DSCAML1: variants seen among roughly 807,000 people sequenced by gnomAD.
The protein encoded by DSCAML1 is DS cell adhesion molecule like 1.
In DSCAML1, 38 loss-of-function variants were observed where a neutral mutation model predicts 200.5. The observed-to-expected ratio is 0.19, with a 90% CI of 0.15 to 0.25. DSCAML1 has a LOEUF of 0.25. DSCAML1 is among the 10% of genes least tolerant of loss of function. The probability of loss-of-function intolerance (pLI) is 1.00; values close to 1 mark genes in which losing one functional copy is unlikely to be tolerated. For missense variants in DSCAML1, 2,223 were observed against 2,858.8 expected, an observed-to-expected ratio of 0.78 and a Z score of 5.07; for synonymous variants, 1,215 against 1,165.0, an observed-to-expected ratio of 1.04 and a Z score of -0.87.
chr11:117,711,400 GC>G (rs1413518450), intron 3 of DSCAML1, among the ~76,000 whole-genome samples: 1 of 152,198 alleles, frequency 6.6e-6, no homozygotes, highest in Admixed American at 6.5e-5. Flanking sequence ...CCTGAAGGGA[GC>G]CAGCTGCGTG....
intron 3 of DSCAML1, among the ~76,000 whole-genome samples, chr11:117,600,400 G>A (rs936532412): frequency 2.0e-5 from 3 of 152,176 alleles, no homozygotes; most frequent in African/African-American, 4.8e-5. Context: ...TTGTAGAGCC[G>A]AATCTCACTC....
chr11:117,783,370 C>T (rs2055296485), intron 1 of DSCAML1, among the ~76,000 whole-genome samples: 1 of 152,098 alleles, frequency 6.6e-6, no homozygotes, highest in African/African-American at 2.4e-5. Context: ...AGGAGGAATT[C>T]AGGAATTGAT....
intron 3 of DSCAML1, among the ~76,000 whole-genome samples, chr11:117,597,663 C>T (rs1240386298): frequency 6.6e-6 from 1 of 152,106 alleles, no homozygotes; most frequent in African/African-American, 2.4e-5. Flanking sequence ...ATCATGTTGG[C>T]CAGGCTGGTC....
intron 1 of DSCAML1, among the ~76,000 whole-genome samples, chr11:117,816,573 G>C (rs572881355): frequency 6.6e-6 from 1 of 152,184 alleles, no homozygotes; most frequent in Non-Finnish European, 1.5e-5. Flanking sequence ...CAGCCCTGCC[G>C]AGCAGAGCGG....
intron 2 of DSCAML1, among the ~76,000 whole-genome samples, chr11:117,779,414 C>A (rs2055192302): frequency 6.6e-6 from 1 of 152,066 alleles, no homozygotes; most frequent in Admixed American, 6.5e-5. Flanking sequence ...CCTGAGAAAC[C>A]CTACCTCCTT....
intron 3 of DSCAML1, among the ~76,000 whole-genome samples, chr11:117,575,411 C>T (rs1366940117): frequency 2.0e-5 from 3 of 152,230 alleles, no homozygotes; most frequent in Non-Finnish European, 4.4e-5. Context: ...ACTGGTGGTT[C>T]TCAGCCTCTG....
chr11:117,512,046 G>A (rs1369000236), intron 8 of DSCAML1, among the ~76,000 whole-genome samples: 1 of 152,196 alleles, frequency 6.6e-6, no homozygotes, highest in Admixed American at 6.5e-5. Context: ...TGTTTTTCCG[G>A]CTCATGGAGC....
At chr11:117,460,093 C>CT (rs1312719651) in intron 18 of DSCAML1, among the ~76,000 whole-genome samples, 1 of 152,228 alleles carries the variant, frequency 6.6e-6, no homozygotes, top group Non-Finnish European at 1.5e-5. Context: ...GAGGCTAATA[C>CT]ATTCCTTAGG....
intron 3 of DSCAML1, among the ~76,000 whole-genome samples, chr11:117,547,446 C>T (rs1341688105): frequency 1.3e-5 from 2 of 152,042 alleles, no homozygotes; most frequent in African/African-American, 4.8e-5. Context: ...AAGGCGCGGC[C>T]CCACCCTTCT....
At position 117,532,411 on chromosome 11, in the gene DSCAML1, G is replaced by C. The variant is rs200783383; in HGVS notation, c.623C>G (p.Thr208Ser). 6.2e-7 allele frequency: 1 copy of C among 1,614,096 alleles called. No individual in the cohort carries two copies. The highest frequency in any genetic ancestry group is 2.2e-5 in the East Asian group (1 of 44,878). The part of the protein sequence containing the change: ...CITKHKYSGE[T>S]RQSNGARLSV... ...GAGGCGTGCCCCATTGCTCTGCCGG[G>C]TCTCCCCGCTATACTTGTGCTTGGT... The change falls in exon 4 of 33, where the codon ACC becomes AGC. Residue 208 changes from threonine (T) to serine (S), a missense_variant. Thr to Ser is a moderately conservative substitution (Grantham distance 58). This residue lies in a region of DSCAML1 where 579 missense variants were observed against 721.5 expected (regional missense o/e 0.80). Transcript: ENST00000651296.
intron 3 of DSCAML1, among the ~76,000 whole-genome samples, chr11:117,576,432 G>A (rs778299590): frequency 5.9e-5 from 9 of 152,086 alleles, no homozygotes; most frequent in Non-Finnish European, 1.0e-4. Context: ...TCCCAACAGT[G>A]GACTCTCCCA....
intron 3 of DSCAML1, among the ~76,000 whole-genome samples, chr11:117,542,359 A>C (rs73010337): frequency 0.29 from 43,107 of 146,636 alleles, 6,640 homozygotes; most frequent in African/African-American, 0.4. Context: ...ACAACAAAAA[A>C]AAAACAGTGC....
intron 3 of DSCAML1, among the ~76,000 whole-genome samples, chr11:117,603,056 G>T (rs954795757): frequency 6.6e-6 from 1 of 152,098 alleles, no homozygotes. Context: ...TGATTGCATC[G>T]CTGCACTTCA....
chr11:117,704,885 C>G (rs1183097033), intron 3 of DSCAML1, among the ~76,000 whole-genome samples: 3 of 152,148 alleles, frequency 2.0e-5, no homozygotes, highest in Admixed American at 6.5e-5. Context: ...TAATAGAGAA[C>G]TCTTCATTCA....
chr11:117,488,498 A>G (rs576371103), intron 11 of DSCAML1, among the ~76,000 whole-genome samples: 35 of 152,156 alleles, frequency 2.3e-4, no homozygotes, highest in Non-Finnish European at 4.6e-4. Flanking sequence ...AGATGGTCAT[A>G]TGCACTCACC....
intron 3 of DSCAML1, among the ~76,000 whole-genome samples, chr11:117,684,462 A>AAAAAAAAAG (rs1565872985): frequency 5.9e-4 from 77 of 129,788 alleles, no homozygotes; most frequent in South Asian, 1.3e-3. Context: ...AAAAAAAAAG[A>AAAAAAAAAG]AAAAAAGAGG....
intron 24 of DSCAML1, 52 bp downstream of exon 24, chr11:117,438,833 C>T (rs991433355): frequency 2.0e-5 from 29 of 1,437,792 alleles, no homozygotes; most frequent in Middle Eastern, 3.5e-4. Flanking sequence ...TTCCCTGCCC[C>T]GGGCCCAGAA....
intron 3 of DSCAML1, among the ~76,000 whole-genome samples, chr11:117,668,009 C>T (rs2053015773): frequency 6.6e-6 from 1 of 152,202 alleles, no homozygotes; most frequent in African/African-American, 2.4e-5. Flanking sequence ...CAGCCAAACA[C>T]CATTCGCATT....
At chr11:117,682,514 C>G (rs2053329291) in intron 3 of DSCAML1, among the ~76,000 whole-genome samples, 1 of 152,200 alleles carries the variant, frequency 6.6e-6, no homozygotes, top group Admixed American at 6.5e-5. Context: ...CTGTATGTCT[C>G]TGAATTTCAG....
Sources: allele counts gnomAD v4.1 joint callset (sites outside exome capture counted in the v4.1 genomes callset), GRCh38; gene constraint gnomAD v4.1.1; regional missense constraint gnomAD v4.1.1; transcripts MANE v1.5; gene names NCBI Gene and HGNC (gene_info 2026-07-23, HGNC 2026-07-21).